Variants in WNK2 observed in about 807,000 individuals in gnomAD.
WNK2 encodes WNK lysine deficient protein kinase 2.
WNK2 carries 67 observed loss-of-function variants against 192.1 expected under a neutral mutation model. That is an observed-to-expected ratio of 0.35 (90% confidence interval 0.29 to 0.43). The LOEUF is 0.43. Among genes scored for constraint, WNK2 ranks in the 20% least tolerant of loss-of-function variants. WNK2 has a pLI of 1.00. For missense variants in WNK2, 2,698 were observed against 3,089.7 expected (o/e 0.87, Z 3.01); for synonymous variants, 1,439 against 1,393.9 (o/e 1.03, Z -0.72).
Position 93,185,096 on chromosome 9 carries a change from G to T in WNK2, c.167G>T (p.Gly56Val). ...VVESDQEEPP[G>V]LEAAEAPGPQ... ...GAGTCGGACCAGGAGGAGCCGCCGG[G>T]CTTGGAGGCAGCCGAGGCGCCGGGC... The change falls in exon 2 of 30, where the codon GGC becomes GTC. Residue 56 changes from glycine to valine, a missense_variant. Gly to Val is a moderately radical substitution (Grantham distance 109). Coordinates refer to ENST00000427277, the MANE Select transcript of WNK2 (RefSeq NM_006648.4). 7.6e-7 allele frequency: 1 copy of T among 1,316,428 alleles called. No individual in the cohort carries two copies. The allele number at this position is 1,316,428 out of a possible 1,614,324, so 81.5% of individuals were successfully genotyped here. A position where few individuals can be genotyped will look rare whatever the true frequency, so the allele number is the denominator to read the frequency against.
chr9:93,234,389 G>A lies in WNK2; in HGVS notation c.1076-419G>A, dbSNP rs567012808. Among the ~76,000 whole-genome samples, 8 of 152,278 alleles carry A rather than the reference G, an allele frequency of 5.3e-5. No individual in the cohort carries two copies. The East Asian group carries it at 1.2e-3, about 22-fold the overall frequency. On this transcript the variant is annotated intron_variant, in intron 4 of 29. Coordinates refer to ENST00000427277, the MANE Select transcript of WNK2 (RefSeq NM_006648.4). The stretch of plus-strand genomic sequence containing the variant: ...GGGTTTTGTGGCTTTAGGTAGCTCC[G>A]TAGCAACCCAAGTTCTTTCTGCTCC...
Position 93,284,601 on chromosome 9 carries a change from C to CG in WNK2, c.4034-4181dup, listed in dbSNP as rs536703861. 3.1e-3 allele frequency among the ~76,000 whole-genome samples: 118 copies of CG among 38,458 alleles called. 4 individuals are homozygous for CG. The East Asian group carries it at 0.068, about 22-fold the overall frequency. 25.2% of individuals were successfully genotyped at this position (38,458 alleles called of 152,430 possible). Reference sequence around the variant, plus strand: ...CTGTGTCCTAGATATTGCAGGGGAGCGGGGGGTGGGCAGGAAAGGAAGGGA... The same window carrying CG: ...CTGTGTCCTAGATATTGCAGGGGAGCGGGGGGGTGGGCAGGAAAGGAAGGGA... On this transcript the variant is annotated intron_variant, in intron 19 of 29. Coordinates refer to ENST00000427277, the MANE Select transcript of WNK2 (RefSeq NM_006648.4).
At chr9:93,261,090 C>T (rs752502622) in intron 12 of WNK2, among the ~76,000 whole-genome samples, 5 of 152,050 alleles carry the variant, frequency 3.3e-5, no homozygotes, top group African/African-American at 9.7e-5. Context: ...CTTGTCTGTC[C>T]GGGAGGGAAG....
At chr9:93,185,815 T>A (rs894192817) in intron 2 of WNK2, among the ~76,000 whole-genome samples, 1 of 152,148 alleles carries the variant, frequency 6.6e-6, no homozygotes, top group African/African-American at 2.4e-5. Flanking sequence ...CGTGCGCAGG[T>A]TGCGGTTTGT....
Position 93,259,753 on chromosome 9 carries a change from C to T in WNK2, c.3066+139C>T. On this transcript the variant is annotated intron_variant, in intron 12 of 29. Coordinates refer to ENST00000427277, the MANE Select transcript of WNK2 (RefSeq NM_006648.4). The surrounding 1 kb of genome is among the most constrained non-coding windows in gnomAD (Gnocchi z 4.8). Reference sequence around the variant, plus strand: ...CTCTCAGGAAGAGATGTGTGTGAGGCTGAGGGAGGCGGGGGCTGGCGCCAG... The same window carrying T: ...CTCTCAGGAAGAGATGTGTGTGAGGTTGAGGGAGGCGGGGGCTGGCGCCAG... 3 of 816,270 alleles carry T rather than the reference C, an allele frequency of 3.7e-6. No individual in the cohort carries two copies. The highest frequency in any genetic ancestry group is 3.5e-5 in the African/African-American group (2 of 57,968). The allele number at this position is 816,270 out of a possible 1,614,324, so 50.6% of individuals were successfully genotyped here. A position where few individuals can be genotyped will look rare whatever the true frequency, so the allele number is the denominator to read the frequency against.
chr9:93,215,708 C>T (rs1385885829), intron 2 of WNK2, among the ~76,000 whole-genome samples: 5 of 151,942 alleles, frequency 3.3e-5, no homozygotes, highest in Admixed American at 2.6e-4. Flanking sequence ...ATTATTTGTC[C>T]TGCTATTTTT....
chr9:93,314,840 C>T (rs148110669), intron 28 of WNK2, among the ~76,000 whole-genome samples: 40 of 152,228 alleles, frequency 2.6e-4, no homozygotes, highest in African/African-American at 7.9e-4. Context: ...GTGAGAGGAA[C>T]GAGCAGGAGC....
At chr9:93,196,938 C>T (rs1354049248) in intron 2 of WNK2, among the ~76,000 whole-genome samples, 1 of 152,182 alleles carries the variant, frequency 6.6e-6, no homozygotes, top group Non-Finnish European at 1.5e-5. Context: ...GCTGCATCTG[C>T]AGGCTCCTCC....
At chr9:93,300,368 T>G (rs1851386110) in intron 26 of WNK2, 1 of 434,256 alleles carries the variant, frequency 2.3e-6, no homozygotes, top group Non-Finnish European at 4.1e-6. Flanking sequence ...GTGTGCATGC[T>G]CATGGCTGGT....
Position 93,308,507 on chromosome 9 carries a change from A to G in WNK2, c.6439A>G (p.Asn2147Asp). The G allele has an allele frequency of 6.2e-7, 1 of 1,607,364 alleles. No individual in the cohort carries two copies. The highest frequency in any genetic ancestry group is 8.5e-7 in the Non-Finnish European group (1 of 1,177,600). ...VGAAQLKPTL[N>D]QLKQTQKLQD... is the part of the protein sequence containing the mutation. ...GGCCGCGCAGCTGAAGCCCACGCTC[A>G]ACCAGCTGAAGCAGACCCAGAAGCT... The change falls in exon 28 of 30, where the codon AAC becomes GAC. Residue 2147 changes from asparagine (N) to aspartate (D), a missense_variant. This residue lies in a region of WNK2 where 167 missense variants were observed against 184.2 expected (regional missense o/e 0.91). Coordinates refer to ENST00000427277, the MANE Select transcript of WNK2 (RefSeq NM_006648.4).
rs117321584 is a variant in WNK2 at position 93,187,796 on chromosome 9, A to G, written c.681+2186A>G. Among the ~76,000 whole-genome samples the G allele has an allele frequency of 5.5e-3, 839 of 152,014 alleles. 2 individuals are homozygous for G. The highest frequency in any genetic ancestry group is 9.2e-3 in the Non-Finnish European group (622 of 67,970). ...GGACTGCCTGTGTGATGTCCTGGGT[A>G]TGGGCCAGGGGCTGCTGGGCGTGTG... On this transcript the variant is annotated intron_variant, in intron 2 of 29. Coordinates refer to ENST00000427277, the MANE Select transcript of WNK2 (RefSeq NM_006648.4).
At chr9:93,252,228 C>T (rs1842692711) in intron 8 of WNK2, among the ~76,000 whole-genome samples, 1 of 152,188 alleles carries the variant, frequency 6.6e-6, no homozygotes, top group Non-Finnish European at 1.5e-5. Flanking sequence ...TCTGTGCCCC[C>T]ATGAGCAGGC....
intron 23 of WNK2, among the ~76,000 whole-genome samples, chr9:93,297,114 G>A (rs1380421999): frequency 5.3e-5 from 5 of 94,786 alleles, no homozygotes; most frequent in Admixed American, 1.1e-4. Context: ...TCCCCTTGGC[G>A]TCCTCCCCTC....
Position 93,264,022 on chromosome 9 carries a change from G to A in WNK2, c.3685G>A (p.Ala1229Thr), listed in dbSNP as rs1410804855. The A allele has an allele frequency of 6.2e-7, 1 of 1,612,548 alleles. No homozygotes were observed. The highest frequency in any genetic ancestry group is 8.5e-7 in the Non-Finnish European group (1 of 1,179,432). Reference protein sequence around the residue: ...DLDGDAPDEIATYMVEHDFIL... With the variant: ...DLDGDAPDEITTYMVEHDFIL... ...GGACGGGGACGCACCCGATGAAATT[G>A]CCACGTATATGGTGAGGCTGGGTCT... The change falls in exon 16 of 30, where the codon GCC (alanine) becomes ACC (threonine). Residue 1229 changes from alanine to threonine, a missense_variant. Transcript: ENST00000427277.
intron 2 of WNK2, among the ~76,000 whole-genome samples, chr9:93,212,973 G>C (rs1270367914): frequency 3.9e-5 from 6 of 152,200 alleles, no homozygotes; most frequent in Admixed American, 2.6e-4. Flanking sequence ...AGGTGGAGAA[G>C]TCCCCGTGGG....
At chr9:93,198,451 AC>A (rs1255997844) in intron 2 of WNK2, among the ~76,000 whole-genome samples, 1 of 152,090 alleles carries the variant, frequency 6.6e-6, no homozygotes, top group Admixed American at 6.5e-5. Flanking sequence ...AGCCCTGCTT[AC>A]CCCGGTAGGG....
At chr9:93,263,368 G>T (rs576893132) in intron 14 of WNK2, 198 bp from the exon 15 acceptor site, 1 of 642,308 alleles carries the variant, frequency 1.6e-6, no homozygotes, top group Non-Finnish European at 2.7e-6. Flanking sequence ...CCTTCTGCCC[G>T]TGCCACTTGG....
chr9:93,262,041 G>C lies in WNK2; in HGVS notation c.3294G>C (p.Leu1098=). 1 of 1,610,498 alleles carries C rather than the reference G, an allele frequency of 6.2e-7. No homozygotes were observed. Among genetic ancestry groups the C allele is most frequent in the Non-Finnish European group, 8.5e-7 (1 of 1,178,382 alleles). Residue 1098 remains leucine (L), a synonymous_variant, in exon 13 of 30, where the codon CTG becomes CTC. Coordinates refer to ENST00000427277, the MANE Select transcript of WNK2 (RefSeq NM_006648.4). Reference sequence around the variant, plus strand: ...TTCTGCCACCAGCAAACCCACCGCTGCCTGGCGGGCCCGGGATCGCCAGCC... The same window carrying C: ...TTCTGCCACCAGCAAACCCACCGCTCCCTGGCGGGCCCGGGATCGCCAGCC... The part of the protein sequence containing the change: ...ATLLPPANPP[L]PGGPGIASPC...
At chr9:93,282,279 A>T (rs750529338) in intron 19 of WNK2, among the ~76,000 whole-genome samples, 1 of 93,164 alleles carries the variant, frequency 1.1e-5, no homozygotes, top group African/African-American at 3.3e-5. Context: ...AGAATAGCAG[A>T]TAACCTCCAC....
Sources: allele counts gnomAD v4.1 joint callset (sites outside exome capture counted in the v4.1 genomes callset), GRCh38; gene constraint gnomAD v4.1.1; regional missense constraint gnomAD v4.1.1; non-coding constraint Gnocchi (gnomAD v3.1); transcripts MANE v1.5; gene names NCBI Gene and HGNC (gene_info 2026-07-23, HGNC 2026-07-21).